Variants in TBC1D1 observed in about 807,000 individuals in gnomAD.
TBC1D1 encodes the protein TBC1 (tre-2/USP6, BUB2, cdc16) domain family, member 1.
TBC1D1 carries 89 observed loss-of-function variants against 125.6 expected under a neutral mutation model. That is an observed-to-expected ratio of 0.71 (90% CI 0.60 to 0.85). The LOEUF is 0.85. Ranked by LOEUF, TBC1D1 falls within the 40% of genes least tolerant of loss-of-function variation. The pLI, the probability that TBC1D1 is intolerant of heterozygous loss-of-function variation, is 0.00. For synonymous variants in TBC1D1, 565 were observed against 564.1 expected, an observed-to-expected ratio of 1.00 and a Z score of -0.02; for missense variants, 1,377 against 1,469.2, an observed-to-expected ratio of 0.94 and a Z score of 1.03.
At chr4:38,125,423 G>C (rs984425220) in intron 18 of TBC1D1, among the ~76,000 whole-genome samples, 2 of 152,190 alleles carry the variant, frequency 1.3e-5, no homozygotes, top group Non-Finnish European at 2.9e-5. Context: ...CTAGTAGCTT[G>C]TTCTTCTGAA....
At chr4:37,928,583 T>C (rs1722608408) in intron 2 of TBC1D1, among the ~76,000 whole-genome samples, 2 of 152,212 alleles carry the variant, frequency 1.3e-5, no homozygotes, top group Non-Finnish European at 2.9e-5. Context: ...CTCTTGCCGC[T>C]GTAGCGCAGC....
At chr4:38,034,255 C>T (rs1366961454) in intron 7 of TBC1D1, among the ~76,000 whole-genome samples, 2 of 152,218 alleles carry the variant, frequency 1.3e-5, no homozygotes, top group Admixed American at 1.3e-4. Context: ...CCCACTTTCT[C>T]CAGAGAAATC....
At position 38,049,766 on chromosome 4, in the gene TBC1D1, G is replaced by T. The variant is rs577001415; in HGVS notation, c.1778G>T (p.Arg593Leu). 8.7e-6 allele frequency: 14 copies of T among 1,614,166 alleles called. No individual in the cohort carries two copies. Among genetic ancestry groups the T allele is most frequent in the Non-Finnish European group, 1.2e-5 (14 of 1,180,030 alleles). The change falls in exon 11 of 20, where the codon CGA becomes CTA. Residue 593 changes from arginine to leucine, a missense_variant. Coordinates refer to ENST00000261439, the MANE Select transcript of TBC1D1 (RefSeq NM_015173.4). ...TCGCCCCAGCAGGCCTTCAGGAGGC[G>T]AGCAAACACCCTGAGTCACTTCCCC...
chr4:38,003,615 C>G (rs1183236339), intron 2 of TBC1D1, among the ~76,000 whole-genome samples: 1 of 152,146 alleles, frequency 6.6e-6, no homozygotes, highest in Non-Finnish European at 1.5e-5. Flanking sequence ...TACCTATAAT[C>G]TCAGCACTTT....
At chr4:38,085,346 G>A (rs537585471) in intron 12 of TBC1D1, among the ~76,000 whole-genome samples, 344 of 152,194 alleles carry the variant, frequency 2.3e-3, no homozygotes, top group African/African-American at 7.6e-3. Flanking sequence ...CTCCACATCC[G>A]TCATTATAGG....
At position 37,980,109 on chromosome 4, in the gene TBC1D1, A is replaced by G. The variant is rs551345052; in HGVS notation, c.418-34400A>G. 1.9e-3 allele frequency among the ~76,000 whole-genome samples: 286 copies of G among 152,366 alleles called. 3 individuals carry two copies. Among genetic ancestry groups the G allele is most frequent in the Middle Eastern group, 6.8e-3 (2 of 294 alleles). ...TGAATGTGTTTTTCTTGCACGATGC[A>G]TTAGTATTGTGTGAATATTGAATGT... On this transcript the variant is annotated intron_variant, in intron 2 of 19. Transcript: ENST00000261439.
chr4:38,006,721 C>A (rs190877181), intron 2 of TBC1D1: 4 of 363,294 alleles, frequency 1.1e-5, no homozygotes, highest in Non-Finnish European at 2.1e-5. Context: ...CCTTGTGATC[C>A]GCCCACCTTG....
At chr4:38,004,801 A>C (rs894719453) in intron 2 of TBC1D1, among the ~76,000 whole-genome samples, 1 of 152,220 alleles carries the variant, frequency 6.6e-6, no homozygotes, top group Non-Finnish European at 1.5e-5. Context: ...GTGGATGTGT[A>C]TTGAACTAAT....
chr4:37,913,888 A>C (rs1040531985), intron 2 of TBC1D1, among the ~76,000 whole-genome samples: 1 of 152,008 alleles, frequency 6.6e-6, no homozygotes, highest in South Asian at 2.1e-4. Context: ...TGTGAGATAT[A>C]GTGGTCCCTT....
intron 12 of TBC1D1, among the ~76,000 whole-genome samples, chr4:38,062,630 C>T (rs530919146): frequency 7.1e-4 from 107 of 150,782 alleles, no homozygotes; most frequent in African/African-American, 2.5e-3. Flanking sequence ...CACCCTGCGC[C>T]GCCCCCACAC....
At chr4:37,971,998 C>A (rs868123387) in intron 2 of TBC1D1, among the ~76,000 whole-genome samples, 13 of 152,290 alleles carry the variant, frequency 8.5e-5, no homozygotes, top group Middle Eastern at 3.4e-3. Flanking sequence ...GAGAATTTGA[C>A]CTTTGCTCCA....
chr4:38,057,266 G>A (rs904955772), intron 12 of TBC1D1, among the ~76,000 whole-genome samples: 2 of 152,098 alleles, frequency 1.3e-5, no homozygotes, highest in Admixed American at 6.5e-5. Context: ...TGCCCCACCC[G>A]AGCCCTGGCA....
At chr4:37,928,080 C>T (rs1217020661) in intron 2 of TBC1D1, among the ~76,000 whole-genome samples, 2 of 152,054 alleles carry the variant, frequency 1.3e-5, no homozygotes, top group Non-Finnish European at 2.9e-5. Context: ...CCTTAGTTTC[C>T]CCATCTGTAA....
intron 2 of TBC1D1, among the ~76,000 whole-genome samples, chr4:37,913,701 A>G (rs1202327668): frequency 6.6e-6 from 1 of 151,046 alleles, no homozygotes; most frequent in Non-Finnish European, 1.5e-5. Flanking sequence ...CGATGACCCC[A>G]CATCCCATTC....
intron 12 of TBC1D1, among the ~76,000 whole-genome samples, chr4:38,085,136 C>T (rs1277314403): frequency 6.6e-6 from 1 of 152,176 alleles, no homozygotes; most frequent in Admixed American, 6.5e-5. Context: ...AATGCAACAG[C>T]ACAGAGTTGT....
intron 10 of TBC1D1, among the ~76,000 whole-genome samples, chr4:38,048,576 C>G (rs1428931431): frequency 1.4e-5 from 2 of 143,264 alleles, no homozygotes; most frequent in African/African-American, 5.3e-5. Context: ...ACCCTCAATA[C>G]TTGTTACCTA....
At chr4:38,121,200 GGA>G (rs1763795293) in intron 17 of TBC1D1, among the ~76,000 whole-genome samples, 1 of 152,148 alleles carries the variant, frequency 6.6e-6, no homozygotes, top group Non-Finnish European at 1.5e-5. Context: ...AGAATGTAGC[GGA>G]GCCACGACTG....
chr4:38,089,963 A>T lies in TBC1D1; in HGVS notation c.2082A>T (p.Arg694=). The T allele has an allele frequency of 6.3e-7, 1 of 1,599,276 alleles. No individual in the cohort carries two copies. The highest frequency in any genetic ancestry group is 8.5e-7 in the Non-Finnish European group (1 of 1,174,172). ...CAGAGCTGGGAGAGCTTCCCCCACG[A>T]TCTCCTTTAGAACCAGTTTGTGAAG... The change falls in exon 13 of 20, where the codon CGA becomes CGT. Residue 694 remains arginine, a synonymous_variant. Transcript: ENST00000261439.
intron 8 of TBC1D1, among the ~76,000 whole-genome samples, chr4:38,036,128 T>C (rs1023791825): frequency 1.3e-5 from 2 of 152,224 alleles, no homozygotes; most frequent in African/African-American, 4.8e-5. Flanking sequence ...TCAGATACAA[T>C]GTTGGCAAGC....
Sources: allele counts gnomAD v4.1 joint callset (sites outside exome capture counted in the v4.1 genomes callset), GRCh38; gene constraint gnomAD v4.1.1; transcripts MANE v1.5; gene names NCBI Gene and HGNC (gene_info 2026-07-23, HGNC 2026-07-21).